Variants in ADAM22 observed in about 807,000 individuals in gnomAD.
ADAM22 encodes disintegrin and metalloproteinase domain-containing protein 22.
A neutral mutation model predicts 144.6 loss-of-function variants in ADAM22; 65 were observed. The ratio of observed to expected loss-of-function variants is 0.45; its 90% CI spans 0.37 to 0.55. The LOEUF (loss-of-function observed/expected upper bound fraction) is 0.55. ADAM22 is among the 20% of genes least tolerant of loss of function. The pLI is 0.00. For synonymous variants in ADAM22, 391 were observed against 412.6 expected (o/e 0.95, Z 0.63); for missense variants, 974 against 1,184.9 (o/e 0.82, Z 2.61).
intron 4 of ADAM22, among the ~76,000 whole-genome samples, chr7:88,083,800 TG>T (rs2129483558): frequency 6.6e-6 from 1 of 152,222 alleles, no homozygotes; most frequent in Non-Finnish European, 1.5e-5. Context: ...TATTCGGAAC[TG>T]AAGATTGGTG....
At chr7:88,004,256 A>G (rs1793272840) in intron 3 of ADAM22, among the ~76,000 whole-genome samples, 1 of 152,238 alleles carries the variant, frequency 6.6e-6, no homozygotes, top group South Asian at 2.1e-4. Context: ...AGAACTCCTA[A>G]GATGAAGAAA....
chr7:88,075,454 GTGTGTGTGTC>G (rs1424773282), intron 3 of ADAM22, among the ~76,000 whole-genome samples, 162 bp from the exon 4 acceptor site: 2 of 142,446 alleles, frequency 1.4e-5, no homozygotes, highest in Non-Finnish European at 3.0e-5. Context: ...AATACTGGGT[GTGTGTGTGTC>G]TGTGTGTGTG....
At chr7:88,135,444 C>A (rs2299202) in intron 13 of ADAM22, among the ~76,000 whole-genome samples, 46,542 of 151,782 alleles carry the variant, frequency 0.31, 8,914 homozygotes, top group East Asian at 0.54. Flanking sequence ...AAGTGACTAG[C>A]TCTTACAAGT....
At chr7:87,937,693 A>C (rs1841560807) in intron 2 of ADAM22, among the ~76,000 whole-genome samples, 1 of 152,196 alleles carries the variant, frequency 6.6e-6, no homozygotes, top group African/African-American at 2.4e-5. Context: ...TTTTGGGTTC[A>C]TAGAGCTTCT....
At chr7:88,073,966 AGTT>A (rs1813503507) in intron 3 of ADAM22, among the ~76,000 whole-genome samples, 1 of 152,204 alleles carries the variant, frequency 6.6e-6, no homozygotes, top group Non-Finnish European at 1.5e-5. Flanking sequence ...GAGTATCAGC[AGTT>A]GTTAATCAGG....
intron 3 of ADAM22, among the ~76,000 whole-genome samples, chr7:87,981,542 G>T (rs953440248): frequency 6.6e-6 from 1 of 152,122 alleles, no homozygotes; most frequent in African/African-American, 2.4e-5. Flanking sequence ...GTGGTGTGGG[G>T]ATAGGGAAGA....
intron 31 of ADAM22, among the ~76,000 whole-genome samples, chr7:88,195,753 G>A (rs1311451528): frequency 6.6e-6 from 1 of 152,102 alleles, no homozygotes; most frequent in Non-Finnish European, 1.5e-5. Flanking sequence ...TCCTGACCTC[G>A]TGATCTGCCC....
intron 2 of ADAM22, among the ~76,000 whole-genome samples, chr7:87,951,622 G>A (rs1356601238): frequency 1.3e-5 from 1 of 79,396 alleles, no homozygotes. Context: ...TTGGCGATGT[G>A]GGCTCTTTTT....
rs141889299 is a variant in ADAM22 at position 88,037,600 on chromosome 7, A to T, written c.324-38026A>T. ...CTGCCTTGATGTGTTTTATTTTTTT[A>T]TTTTTATTTTTATTTTTTTTTGCCT... is the stretch of plus-strand genomic sequence containing the variant. On this transcript the variant is annotated intron_variant, in intron 3 of 31. Coordinates refer to ENST00000413139, the MANE Select transcript of ADAM22 (RefSeq NM_001324418.2). Among the ~76,000 whole-genome samples, 197 of 151,284 alleles carry T rather than the reference A, an allele frequency of 1.3e-3. 2 individuals carry two copies. In the East Asian group the frequency reaches 0.037, roughly 28 times the overall value.
rs1840699783 is a variant in ADAM22, at chr7:87,934,551, G to A, written c.85+1G>A. 1.2e-6 allele frequency: 2 copies of A among 1,606,410 alleles called. No individual in the cohort carries two copies. The highest frequency in any genetic ancestry group is 8.5e-7 in the Non-Finnish European group (1 of 1,179,144). ...CCTCCGGCGCGCTGCGGCCAGGCAGGTAAGTTAGCCGTCCTCTGTGCCTTT... is the reference window on the plus strand; with the variant it reads ...CCTCCGGCGCGCTGCGGCCAGGCAGATAAGTTAGCCGTCCTCTGTGCCTTT... On this transcript the variant is annotated splice_donor_variant, in intron 1 of 31. Transcript: ENST00000413139. LOFTEE classifies it high-confidence loss of function.
At chr7:88,089,110 T>C (rs1303419572) in intron 4 of ADAM22, among the ~76,000 whole-genome samples, 2 of 151,986 alleles carry the variant, frequency 1.3e-5, no homozygotes, top group East Asian at 3.8e-4. Flanking sequence ...TCAAAGTGGC[T>C]CATATTTATT....
rs1585020975 is a variant in ADAM22, at chr7:88,013,954, T to A, written c.323+35542T>A. ...TATTAGTTGTATCTGAGTACCACTA[T>A]CTTTTTTCTTGAAATTAATTCCCTT... On this transcript the variant is annotated intron_variant, in intron 3 of 31. Coordinates refer to ENST00000413139, the MANE Select transcript of ADAM22 (RefSeq NM_001324418.2). Among the ~76,000 whole-genome samples, 4 of 152,354 alleles carry A rather than the reference T, an allele frequency of 2.6e-5. No individual in the cohort carries two copies. The South Asian group carries it at 8.3e-4, about 32-fold the overall frequency.
chr7:87,954,190 G>T (rs1412989246), intron 2 of ADAM22, among the ~76,000 whole-genome samples: 1 of 151,368 alleles, frequency 6.6e-6, no homozygotes. Flanking sequence ...TTATTATGAT[G>T]TTAGCTGGTT....
intron 3 of ADAM22, among the ~76,000 whole-genome samples, chr7:88,069,607 T>C (rs1314655593): frequency 6.6e-6 from 1 of 152,210 alleles, no homozygotes; most frequent in African/African-American, 2.4e-5. Flanking sequence ...GCAGAATGCA[T>C]TGAATTCCTC....
chr7:88,012,626 C>T (rs1187166857), intron 3 of ADAM22, among the ~76,000 whole-genome samples: 1 of 152,170 alleles, frequency 6.6e-6, no homozygotes, highest in Non-Finnish European at 1.5e-5. Flanking sequence ...CCTTGCAGCC[C>T]TTTCAGCTGT....
chr7:88,136,161 C>T (rs12538777), intron 14 of ADAM22, 130 bp downstream of exon 14: 79,482 of 651,694 alleles, frequency 0.12, 7,572 homozygotes, highest in East Asian at 0.44. Context: ...GCAAAATAAC[C>T]TCTTATTTAT....
At chr7:88,086,983 A>G (rs188232854) in intron 4 of ADAM22, among the ~76,000 whole-genome samples, 188 of 152,318 alleles carry the variant, frequency 1.2e-3, no homozygotes, top group African/African-American at 4.3e-3. Flanking sequence ...GTACCATTCA[A>G]TCCTCAAGAC....
chr7:87,945,212 G>C (rs1243389972), intron 2 of ADAM22, among the ~76,000 whole-genome samples: 1 of 152,062 alleles, frequency 6.6e-6, no homozygotes, highest in Non-Finnish European at 1.5e-5. Context: ...ATCTTATTTT[G>C]AATAGCATGT....
chr7:88,156,076 C>A, intron 22 of ADAM22, 70 bp downstream of exon 22: 1 of 1,554,720 alleles, frequency 6.4e-7, no homozygotes, highest in South Asian at 1.2e-5. Context: ...AGGATTCCTT[C>A]CGTTTTCAAT....
Sources: gnomAD v4.1 joint callset for allele counts (sites outside exome capture counted in the v4.1 genomes callset) on GRCh38, gnomAD v4.1.1 for gene constraint, MANE v1.5 for transcripts, NCBI Gene and HGNC (gene_info 2026-07-23, HGNC 2026-07-21) for gene names.